ARHGEF7: variants seen among roughly 807,000 people sequenced by gnomAD.
ARHGEF7 encodes Rho guanine nucleotide exchange factor 7.
A neutral mutation model predicts 109.8 loss-of-function variants in ARHGEF7; 33 were observed. The observed-to-expected ratio is 0.30, with a 90% CI of 0.23 to 0.40. The LOEUF is 0.40. Ranked by LOEUF, ARHGEF7 falls within the 10% of genes least tolerant of loss-of-function variation. The probability of loss-of-function intolerance (pLI) is 1.00; values close to 1 mark genes in which losing one functional copy is unlikely to be tolerated. For missense variants in ARHGEF7, 938 were observed against 1,098.5 expected, an observed-to-expected ratio of 0.85 and a Z score of 2.07; for synonymous variants, 458 against 424.6, an observed-to-expected ratio of 1.08 and a Z score of -0.97.
chr13:111,159,225 A>T, intron 2 of ARHGEF7: 2 of 620,836 alleles, frequency 3.2e-6, no homozygotes, highest in Non-Finnish European at 2.9e-6. Flanking sequence ...TCCTTTTTTT[A>T]AAAGTCTGAC....
intron 1 of ARHGEF7, among the ~76,000 whole-genome samples, chr13:111,117,000 G>C (rs1482442197): frequency 1.3e-5 from 2 of 152,194 alleles, no homozygotes; most frequent in East Asian, 3.8e-4. Flanking sequence ...TAAGACAGGA[G>C]GACTGAGGAG....
At chr13:111,179,604 TG>T (rs1473870254) in intron 2 of ARHGEF7, among the ~76,000 whole-genome samples, 7 of 152,220 alleles carry the variant, frequency 4.6e-5, no homozygotes, top group Non-Finnish European at 7.3e-5. Flanking sequence ...ATATCTCTGG[TG>T]GTCTCAGAAT....
rs2093606988 is a variant in ARHGEF7 at position 111,303,137 on chromosome 13, TGAA to T, written c.*27_*29del. On this transcript the variant is annotated 3_prime_UTR_variant, in exon 22 of 22. Transcript: ENST00000646102. ...AAGGGATGTCCTCAGTTCTTTCTGT[TGAA>T]GACCAGTTCTGAGGTGAAGCTGGGC... The T allele has an allele frequency of 1.2e-6, 2 of 1,602,466 alleles. No homozygotes were observed. Among genetic ancestry groups the T allele is most frequent in the Non-Finnish European group, 1.7e-6 (2 of 1,173,718 alleles).
At chr13:111,268,103 C>A (rs2153585575) in intron 9 of ARHGEF7, among the ~76,000 whole-genome samples, 1 of 152,338 alleles carries the variant, frequency 6.6e-6, no homozygotes, top group African/African-American at 2.4e-5. Context: ...AGCTTTTCAT[C>A]CTGAAACTAA....
intron 2 of ARHGEF7, among the ~76,000 whole-genome samples, chr13:111,154,289 A>G (rs184260588): frequency 1.8e-4 from 27 of 152,236 alleles, no homozygotes; most frequent in Admixed American, 5.9e-4. Flanking sequence ...GGTGACACAC[A>G]TTTTCAACAA....
At chr13:111,230,998 A>G (rs189795862) in intron 5 of ARHGEF7, among the ~76,000 whole-genome samples, 133 of 152,310 alleles carry the variant, frequency 8.7e-4, no homozygotes, top group Non-Finnish European at 1.3e-3. Flanking sequence ...GTTGTGAGGT[A>G]TGTCTTAAGT....
rs2091434358 is a variant in ARHGEF7 at position 111,264,661 on chromosome 13, T to C, written c.951-2887T>C. Reference sequence around the variant, plus strand: ...GCTCAGACAGAGATCAAAGGAGAGCTAAGAGAGGGAGAGAGATGGACAGTT... The same window carrying C: ...GCTCAGACAGAGATCAAAGGAGAGCCAAGAGAGGGAGAGAGATGGACAGTT... On this transcript the variant is annotated intron_variant, in intron 8 of 21. Coordinates refer to ENST00000646102, the MANE Select transcript of ARHGEF7 (RefSeq NM_001354046.2). Among the ~76,000 whole-genome samples the C allele has an allele frequency of 3.3e-5, 5 of 152,190 alleles. No homozygotes were observed. The South Asian group carries it at 1.0e-3, about 32-fold the overall frequency.
chr13:111,168,242 G>T (rs560390568), intron 2 of ARHGEF7, among the ~76,000 whole-genome samples: 1 of 144,822 alleles, frequency 6.9e-6, no homozygotes, highest in Non-Finnish European at 1.5e-5. Context: ...CCGCTCTCCC[G>T]CTTGGTCTCA....
At position 111,266,526 on chromosome 13, in the gene ARHGEF7, TCTCCTTTG is replaced by T. The variant is rs1249580752; in HGVS notation, c.951-1015_951-1008del. Among the ~76,000 whole-genome samples, 1 of 152,202 alleles carries T rather than the reference TCTCCTTTG, an allele frequency of 6.6e-6. No homozygotes were observed. Among genetic ancestry groups the T allele is most frequent in the Non-Finnish European group, 1.5e-5 (1 of 68,036 alleles). Reference sequence around the variant, plus strand: ...TGGAATGACTATCATATTTCCTTTTTCTCCTTTGCTCCTTCATTCCCCTTTTTTTAGGC... The same window carrying T: ...TGGAATGACTATCATATTTCCTTTTTCTCCTTCATTCCCCTTTTTTTAGGC... On this transcript the variant is annotated intron_variant, in intron 8 of 21. Coordinates refer to ENST00000646102, the MANE Select transcript of ARHGEF7 (RefSeq NM_001354046.2). The surrounding 1 kb of genome is among the most constrained non-coding windows in gnomAD (Gnocchi z 4.8).
intron 4 of ARHGEF7, among the ~76,000 whole-genome samples, chr13:111,213,865 T>G (rs910991774): frequency 6.6e-6 from 1 of 152,184 alleles, no homozygotes; most frequent in Non-Finnish European, 1.5e-5. Context: ...GAGTGTGTAG[T>G]TGGAATATAG....
chr13:111,277,444 G>A, intron 12 of ARHGEF7, 143 bp from the exon 13 acceptor site: 1 of 587,684 alleles, frequency 1.7e-6, no homozygotes, highest in South Asian at 2.2e-5. Context: ...TAATTTACCT[G>A]ATAAAACTTG....
chr13:111,253,202 AT>A (rs2089997837), intron 8 of ARHGEF7, among the ~76,000 whole-genome samples: 1 of 152,244 alleles, frequency 6.6e-6, no homozygotes, highest in Non-Finnish European at 1.5e-5. Context: ...GTACTACATG[AT>A]TTACTGTAGA....
intron 2 of ARHGEF7, chr13:111,202,943 A>T: frequency 2.3e-6 from 1 of 432,804 alleles, no homozygotes; most frequent in Non-Finnish European, 3.7e-6. Flanking sequence ...TGGTGTGTGT[A>T]TTCACTTAAA....
intron 2 of ARHGEF7, among the ~76,000 whole-genome samples, chr13:111,178,427 A>G (rs1249587139): frequency 6.6e-6 from 1 of 152,202 alleles, no homozygotes; most frequent in Non-Finnish European, 1.5e-5. Flanking sequence ...GTTTTCTGTG[A>G]TAGTTTAGAG....
chr13:111,146,106 A>G (rs1285420733), intron 1 of ARHGEF7, among the ~76,000 whole-genome samples: 4 of 152,182 alleles, frequency 2.6e-5, no homozygotes, highest in Non-Finnish European at 5.9e-5. Flanking sequence ...GGACAGAACC[A>G]CATGCATTCA....
At chr13:111,153,591 C>A (rs1431297499) in intron 1 of ARHGEF7, 2 of 1,116,688 alleles carry the variant, frequency 1.8e-6, no homozygotes, top group African/African-American at 3.3e-5. Flanking sequence ...GGCGAACACC[C>A]GACGCTATCC....
chr13:111,289,240 G>T (rs2093164709), intron 18 of ARHGEF7, among the ~76,000 whole-genome samples: 1 of 152,266 alleles, frequency 6.6e-6, no homozygotes, highest in Non-Finnish European at 1.5e-5. Context: ...CACCCTTTGG[G>T]CCAGGCTGGT....
chr13:111,292,677 T>C (rs1267699918), intron 19 of ARHGEF7: 4 of 1,064,372 alleles, frequency 3.8e-6, no homozygotes, highest in African/African-American at 1.7e-5. Context: ...TTCTATTTTA[T>C]ACTGAAATCA....
chr13:111,228,651 C>T lies in ARHGEF7; in HGVS notation c.671-4554C>T, dbSNP rs185281289. 6.6e-6 allele frequency among the ~76,000 whole-genome samples: 1 copy of T among 152,232 alleles called. No homozygotes were observed. Among genetic ancestry groups the T allele is most frequent in the African/African-American group, 2.4e-5 (1 of 41,556 alleles). ...TTAGCAGATCATCCCTTGAACAACTCGGAGGACGTCACCTGACAGGAGGGT... is the reference window on the plus strand; with the variant it reads ...TTAGCAGATCATCCCTTGAACAACTTGGAGGACGTCACCTGACAGGAGGGT... On this transcript the variant is annotated intron_variant, in intron 5 of 21. Transcript: ENST00000646102. The surrounding 1 kb of genome is among the most constrained non-coding windows in gnomAD (Gnocchi z 4.6).
Sources: gnomAD v4.1 joint callset for allele counts (sites outside exome capture counted in the v4.1 genomes callset) on GRCh38, gnomAD v4.1.1 for gene constraint, Gnocchi (gnomAD v3.1) non-coding constraint, MANE v1.5 for transcripts, NCBI Gene and HGNC (gene_info 2026-07-23, HGNC 2026-07-21) for gene names.